The following CTNNA3 variants were observed in gnomAD, a reference collection of about 807,000 sequenced individuals.
CTNNA3 encodes catenin alpha-3.
A neutral mutation model predicts 95.7 loss-of-function variants in CTNNA3; 76 were observed. That is an observed-to-expected ratio of 0.79 (90% confidence interval 0.66 to 0.96). CTNNA3 has a LOEUF of 0.96. Among genes scored for constraint, CTNNA3 ranks in the 40% least tolerant of loss-of-function variants. The probability of loss-of-function intolerance (pLI) is 0.00; values close to 1 mark genes in which losing one functional copy is unlikely to be tolerated. For synonymous variants in CTNNA3, 431 were observed against 374.4 expected, an observed-to-expected ratio of 1.15 and a Z score of -1.74; for missense variants, 1,191 against 1,089.8, an observed-to-expected ratio of 1.09 and a Z score of -1.31.
rs2088531966 is a variant in CTNNA3 at position 66,216,319 on chromosome 10, A to G, written c.1884+64151T>C. 1.3e-5 allele frequency among the ~76,000 whole-genome samples: 2 copies of G among 152,224 alleles called. 1 individual carries two copies. The highest frequency in any genetic ancestry group is 4.1e-4 in the South Asian group (2 of 4,838). On this transcript the variant is annotated intron_variant, in intron 13 of 17. Coordinates refer to ENST00000433211, the MANE Select transcript of CTNNA3 (RefSeq NM_013266.4). ...AAATCAAGATCAACAGTACTGTGGT[A>G]TATAAGACCTGGATCTGGCAGGTAA...
rs957163158 is a variant in CTNNA3 at position 65,915,070 on chromosome 10, T to G, written c.*5260A>C. ...ACATGAGGGCAAGGATCACTATTTG[T>G]TTTGTTATATGGTGTATCCTAAGAA... On this transcript the variant is annotated 3_prime_UTR_variant, in exon 18 of 18. Coordinates refer to ENST00000433211, the MANE Select transcript of CTNNA3 (RefSeq NM_013266.4). The G allele has an allele frequency of 1.3e-5, 2 of 152,222 alleles. No individual in the cohort carries two copies. The highest frequency in any genetic ancestry group is 2.1e-4 in the South Asian group (1 of 4,818). 9.4% of individuals were successfully genotyped at this position (152,222 alleles called of 1,614,324 possible).
intron 7 of CTNNA3, among the ~76,000 whole-genome samples, chr10:67,108,182 A>G (rs1858750955): frequency 6.6e-6 from 1 of 152,212 alleles, no homozygotes; most frequent in Admixed American, 6.5e-5. Context: ...ATGCAGAATT[A>G]TTTCTGCCTT....
At chr10:65,940,653 A>G (rs2077414931) in intron 17 of CTNNA3, among the ~76,000 whole-genome samples, 1 of 152,172 alleles carries the variant, frequency 6.6e-6, no homozygotes, top group African/African-American at 2.4e-5. Context: ...TGAGATGCAT[A>G]GGCCTTTATC....
At chr10:66,786,316 G>A (rs945419838) in intron 7 of CTNNA3, among the ~76,000 whole-genome samples, 3 of 152,048 alleles carry the variant, frequency 2.0e-5, no homozygotes, top group African/African-American at 4.8e-5. Context: ...TATGGGAAAA[G>A]TCAGCCTTCA....
Position 66,444,989 on chromosome 10 carries a change from C to A in CTNNA3, c.1532-65637G>T, listed in dbSNP as rs570158521. 5.6e-3 allele frequency among the ~76,000 whole-genome samples: 851 copies of A among 151,776 alleles called. 8 individuals carry two copies. The highest frequency in any genetic ancestry group is 0.019 in the African/African-American group (796 of 41,352). ...AAAGGATGGAGGAAGATCTACCAAGCAAATGGAAAACAAAAAAAGGCAGGG... is the reference window on the plus strand; with the variant it reads ...AAAGGATGGAGGAAGATCTACCAAGAAAATGGAAAACAAAAAAAGGCAGGG... On this transcript the variant is annotated intron_variant, in intron 11 of 17. Coordinates refer to ENST00000433211, the MANE Select transcript of CTNNA3 (RefSeq NM_013266.4).
At chr10:66,527,643 G>T (rs1284819302) in intron 10 of CTNNA3, among the ~76,000 whole-genome samples, 1 of 152,100 alleles carries the variant, frequency 6.6e-6, no homozygotes, top group Non-Finnish European at 1.5e-5. Flanking sequence ...TCAGGTAAAA[G>T]TCTTTCACCT....
At chr10:67,569,329 T>A (rs1447072645) in intron 3 of CTNNA3, among the ~76,000 whole-genome samples, 2 of 152,188 alleles carry the variant, frequency 1.3e-5, no homozygotes, top group East Asian at 3.8e-4. Flanking sequence ...TTACTTGATA[T>A]GCTGGACATA....
chr10:66,346,567 G>A lies in CTNNA3; in HGVS notation c.1732+32585C>T, dbSNP rs755606190. Among the ~76,000 whole-genome samples the A allele has an allele frequency of 3.1e-4, 47 of 151,966 alleles. 1 individual carries two copies. In the Middle Eastern group the frequency reaches 0.017, roughly 55 times the overall value. On this transcript the variant is annotated intron_variant, in intron 12 of 17. Coordinates refer to ENST00000433211, the MANE Select transcript of CTNNA3 (RefSeq NM_013266.4). ...GTTGGGATTACAGGCGTGAGCCACC[G>A]CACCTGGCCAAATAGTAAATATATT... is the stretch of plus-strand genomic sequence containing the variant.
intron 1 of CTNNA3, among the ~76,000 whole-genome samples, chr10:67,707,466 C>A (rs1252516696): frequency 6.6e-6 from 1 of 152,168 alleles, no homozygotes; most frequent in Non-Finnish European, 1.5e-5. Context: ...CATTTGCTCC[C>A]AGCTATTTAC....
In CTNNA3 at chr10:67,521,973, A is replaced by ATCT. The variant is rs749829205; in HGVS notation, c.460-13_460-12insAGA. On this transcript the variant is annotated splice_polypyrimidine_tract_variant and intron_variant, in intron 4 of 17. Coordinates refer to ENST00000433211, the MANE Select transcript of CTNNA3 (RefSeq NM_013266.4). ...AATGTCCTTTGAAACTGAAATTGAA[A>ATCT]ACAAAAGTAGATCATTAGGATAGCA... 1 of 1,607,090 alleles carries ATCT rather than the reference A, an allele frequency of 6.2e-7. No individual in the cohort carries two copies. Among genetic ancestry groups the ATCT allele is most frequent in the Admixed American group, 1.7e-5 (1 of 59,206 alleles).
chr10:67,065,076 C>T (rs1564866282), intron 7 of CTNNA3, among the ~76,000 whole-genome samples: 1 of 152,048 alleles, frequency 6.6e-6, no homozygotes, highest in African/African-American at 2.4e-5. Flanking sequence ...TGTGACATCC[C>T]GAAAACAGAG....
rs73310680 is a variant in CTNNA3, at chr10:66,849,475, A to G, written c.1048-73951T>C. ...ATAGTGTGCCCCAAAATTCATGTCA[A>G]CCTGGAACATTAGAATGTGACTTTA... is the stretch of plus-strand genomic sequence containing the variant. On this transcript the variant is annotated intron_variant, in intron 7 of 17. Coordinates refer to ENST00000433211, the MANE Select transcript of CTNNA3 (RefSeq NM_013266.4). 2.0e-3 allele frequency among the ~76,000 whole-genome samples: 300 copies of G among 152,278 alleles called. 1 individual carries two copies. The highest frequency in any genetic ancestry group is 6.5e-3 in the African/African-American group (271 of 41,564).
intron 13 of CTNNA3, among the ~76,000 whole-genome samples, chr10:66,182,612 A>G (rs1291085731): frequency 6.6e-6 from 1 of 152,128 alleles, no homozygotes. Context: ...TGATTATGCC[A>G]AGACCCATGT....
intron 11 of CTNNA3, among the ~76,000 whole-genome samples, chr10:66,475,014 G>C (rs914429231): frequency 6.6e-6 from 1 of 151,952 alleles, no homozygotes; most frequent in Non-Finnish European, 1.5e-5. Context: ...TCATTCTGTA[G>C]GTTGTCTCCT....
chr10:67,706,054 G>C (rs1841077083), intron 1 of CTNNA3, among the ~76,000 whole-genome samples: 1 of 152,036 alleles, frequency 6.6e-6, no homozygotes, highest in South Asian at 2.1e-4. Flanking sequence ...TGCAGGGGAG[G>C]GAAATGCAGA....
chr10:66,963,203 T>G (rs1849215313), intron 7 of CTNNA3, among the ~76,000 whole-genome samples: 1 of 152,206 alleles, frequency 6.6e-6, no homozygotes, highest in Non-Finnish European at 1.5e-5. Flanking sequence ...CACAACCACA[T>G]GGGACAGTGC....
At chr10:66,831,894 C>T (rs1381813869) in intron 7 of CTNNA3, among the ~76,000 whole-genome samples, 1 of 152,038 alleles carries the variant, frequency 6.6e-6, no homozygotes, top group Non-Finnish European at 1.5e-5. Context: ...TTCAAGCTTT[C>T]AAAAACTAAT....
At chr10:67,462,241 C>T (rs1847405700) in intron 5 of CTNNA3, among the ~76,000 whole-genome samples, 1 of 152,138 alleles carries the variant, frequency 6.6e-6, no homozygotes, top group South Asian at 2.1e-4. Context: ...GCACTGAACT[C>T]ATTGACAGAT....
Position 66,200,214 on chromosome 10 carries a change from A to AGAAGG in CTNNA3, c.1884+80251_1884+80255dup, listed in dbSNP as rs1349386558. 6.5e-3 allele frequency among the ~76,000 whole-genome samples: 926 copies of AGAAGG among 142,722 alleles called. 21 individuals are homozygous for AGAAGG. The highest frequency in any genetic ancestry group is 0.021 in the African/African-American group (805 of 38,550). The allele number at this position is 142,722 out of a possible 152,430, so 93.6% of individuals were successfully genotyped here. Reference sequence around the variant, plus strand: ...AAAGTGGTTTCATGGAGAAGAGGAGAGAAGGGAAGGGAAGGTAAGGGAAGG... The same window carrying AGAAGG: ...AAAGTGGTTTCATGGAGAAGAGGAGAGAAGGGAAGGGAAGGGAAGGTAAGGGAAGG... On this transcript the variant is annotated intron_variant, in intron 13 of 17. Coordinates refer to ENST00000433211, the MANE Select transcript of CTNNA3 (RefSeq NM_013266.4).
Sources: allele counts gnomAD v4.1 joint callset (sites outside exome capture counted in the v4.1 genomes callset), GRCh38; gene constraint gnomAD v4.1.1; transcripts MANE v1.5; gene names NCBI Gene and HGNC (gene_info 2026-07-23, HGNC 2026-07-21).